Variants in SGCZ observed in about 807,000 individuals in gnomAD.
The protein encoded by SGCZ is sarcoglycan zeta.
SGCZ carries 40 observed loss-of-function variants against 41.3 expected under a neutral mutation model. That is an observed-to-expected ratio of 0.97 (90% CI 0.75 to 1.26). SGCZ has a LOEUF of 1.26. SGCZ is among the 50% of genes most tolerant of loss of function. The pLI, the probability that SGCZ is intolerant of heterozygous loss-of-function variation, is 0.00. For missense variants in SGCZ, 552 were observed against 369.8 expected, an observed-to-expected ratio of 1.49 and a Z score of -4.04; for synonymous variants, 206 against 137.5, an observed-to-expected ratio of 1.50 and a Z score of -3.49.
chr8:14,692,511 T>C (rs567849734), intron 1 of SGCZ, among the ~76,000 whole-genome samples: 2 of 152,190 alleles, frequency 1.3e-5, no homozygotes, highest in African/African-American at 2.4e-5. Flanking sequence ...TTATATTTCC[T>C]AGCATTAAAA....
chr8:14,469,864 G>A (rs1010907246), intron 2 of SGCZ, among the ~76,000 whole-genome samples: 4 of 152,108 alleles, frequency 2.6e-5, no homozygotes, highest in African/African-American at 9.7e-5. Flanking sequence ...TGGAAGCTCT[G>A]TGCCCCTTCC....
chr8:14,240,537 T>C (rs1798844165), intron 3 of SGCZ, among the ~76,000 whole-genome samples: 1 of 151,600 alleles, frequency 6.6e-6, no homozygotes, highest in Admixed American at 6.6e-5. Flanking sequence ...AATTTCACTG[T>C]GATAGCACCA....
chr8:15,220,555 C>G (rs754249546), intron 1 of SGCZ, among the ~76,000 whole-genome samples: 1 of 152,016 alleles, frequency 6.6e-6, no homozygotes, highest in African/African-American at 2.4e-5. Flanking sequence ...AGAGTAGGAA[C>G]TCTTAGAAAA....
intron 2 of SGCZ, among the ~76,000 whole-genome samples, chr8:14,374,006 T>C (rs1254578813): frequency 2.0e-5 from 3 of 152,104 alleles, no homozygotes; most frequent in Non-Finnish European, 2.9e-5. Flanking sequence ...TACACAGATA[T>C]ATTAACGATT....
chr8:15,012,551 T>G (rs985976350), intron 1 of SGCZ, among the ~76,000 whole-genome samples: 1 of 138,480 alleles, frequency 7.2e-6, no homozygotes. Context: ...AATATGAATA[T>G]TTATATATAA....
intron 4 of SGCZ, among the ~76,000 whole-genome samples, chr8:14,202,721 C>T (rs10090772): frequency 1.4e-4 from 22 of 152,048 alleles, no homozygotes; most frequent in African/African-American, 5.1e-4. Context: ...AAATTGAATT[C>T]TTTTTTGTGG....
chr8:14,605,261 T>A (rs879739665), intron 1 of SGCZ, among the ~76,000 whole-genome samples: 1 of 108,562 alleles, frequency 9.2e-6, no homozygotes, highest in East Asian at 2.3e-4. Flanking sequence ...TTTTTAAAGT[T>A]TTTTTTTAAG....
At chr8:14,957,586 T>C (rs549750649) in intron 1 of SGCZ, among the ~76,000 whole-genome samples, 1 of 152,170 alleles carries the variant, frequency 6.6e-6, no homozygotes, top group Non-Finnish European at 1.5e-5. Flanking sequence ...TTACTTGTCA[T>C]GTTTTACTTG....
At chr8:15,195,997 A>C (rs1024132746) in intron 1 of SGCZ, among the ~76,000 whole-genome samples, 3 of 138,342 alleles carry the variant, frequency 2.2e-5, no homozygotes, top group Non-Finnish European at 4.6e-5. Flanking sequence ...TCCCGGGTTC[A>C]CGCCATTCTC....
rs191512621 is a variant in SGCZ, at chr8:14,660,311, C to T, written c.40-105385G>A. ...GTAAGGCTGGGCACAGTGGCTCATG[C>T]CCATAATCCTAGCACTTTGGGAGGC... On this transcript the variant is annotated intron_variant, in intron 1 of 7. Coordinates refer to ENST00000382080, the MANE Select transcript of SGCZ (RefSeq NM_139167.4). Among the ~76,000 whole-genome samples, 7 of 151,890 alleles carry T rather than the reference C, an allele frequency of 4.6e-5. No individual in the cohort carries two copies. In the East Asian group the frequency reaches 1.2e-3, roughly 25 times the overall value.
chr8:14,800,129 T>G (rs578113969), intron 1 of SGCZ, among the ~76,000 whole-genome samples: 1 of 148,430 alleles, frequency 6.7e-6, no homozygotes, highest in South Asian at 2.2e-4. Context: ...CTACACTTTT[T>G]CAAGATGTTA....
intron 3 of SGCZ, among the ~76,000 whole-genome samples, chr8:14,309,843 G>A (rs1215386314): frequency 2.0e-5 from 3 of 151,830 alleles, no homozygotes; most frequent in Admixed American, 6.6e-5. Context: ...TTGTACTTCT[G>A]TGTTCATTTT....
intron 2 of SGCZ, among the ~76,000 whole-genome samples, chr8:14,480,135 A>G (rs1314982568): frequency 4.6e-5 from 7 of 152,312 alleles, no homozygotes; most frequent in African/African-American, 1.7e-4. Flanking sequence ...ATTCAGGCTT[A>G]TATTCTTCTA....
At chr8:14,822,633 G>C (rs773012364) in intron 1 of SGCZ, among the ~76,000 whole-genome samples, 11 of 151,980 alleles carry the variant, frequency 7.2e-5, no homozygotes, top group Non-Finnish European at 1.0e-4. Flanking sequence ...AAACAGATAT[G>C]TAAACCAACA....
intron 1 of SGCZ, among the ~76,000 whole-genome samples, chr8:14,771,337 A>T (rs558399492): frequency 1.3e-5 from 2 of 152,282 alleles, no homozygotes; most frequent in African/African-American, 4.8e-5. Flanking sequence ...GTAATGGATT[A>T]AAATCACATA....
At chr8:14,713,470 T>A (rs1303195223) in intron 1 of SGCZ, among the ~76,000 whole-genome samples, 1 of 152,124 alleles carries the variant, frequency 6.6e-6, no homozygotes, top group Non-Finnish European at 1.5e-5. Flanking sequence ...CTAGGACAAT[T>A]CAAAATGTCA....
intron 1 of SGCZ, among the ~76,000 whole-genome samples, chr8:15,228,897 T>C (rs560692925): frequency 6.6e-6 from 1 of 152,254 alleles, no homozygotes; most frequent in East Asian, 1.9e-4. Flanking sequence ...TCTTGATAAA[T>C]TTTTGAAAAA....
intron 1 of SGCZ, among the ~76,000 whole-genome samples, chr8:15,130,307 C>T (rs887498821): frequency 3.3e-5 from 5 of 152,268 alleles, no homozygotes; most frequent in Admixed American, 1.3e-4. Context: ...AGCCACTTGA[C>T]GGGAAGTAAT....
chr8:14,715,743 T>C (rs192963207), intron 1 of SGCZ, among the ~76,000 whole-genome samples: 34 of 152,214 alleles, frequency 2.2e-4, no homozygotes, highest in African/African-American at 7.9e-4. Flanking sequence ...CCAATAGAGA[T>C]CTGTCAGAAG....
Sources: gnomAD v4.1 joint callset for allele counts (sites outside exome capture counted in the v4.1 genomes callset) on GRCh38, gnomAD v4.1.1 for gene constraint, MANE v1.5 for transcripts, NCBI Gene and HGNC (gene_info 2026-07-23, HGNC 2026-07-21) for gene names.